Variants in PTPRD observed in about 807,000 individuals in gnomAD.
PTPRD encodes protein tyrosine phosphatase receptor type D.
PTPRD carries 34 observed loss-of-function variants against 214.5 expected under a neutral mutation model. That is an observed-to-expected ratio of 0.16 (90% CI 0.12 to 0.21). The LOEUF is 0.21. Ranked by LOEUF, PTPRD falls within the 10% of genes least tolerant of loss-of-function variation. The pLI, the probability that PTPRD is intolerant of heterozygous loss-of-function variation, is 1.00. For missense variants in PTPRD, 2,545 were observed against 2,398.7 expected, an observed-to-expected ratio of 1.06 and a Z score of -1.27; for synonymous variants, 1,128 against 845.7, an observed-to-expected ratio of 1.33 and a Z score of -5.79.
intron 14 of PTPRD, among the ~76,000 whole-genome samples, chr9:8,565,027 G>A (rs1188008314): frequency 2.0e-5 from 3 of 152,122 alleles, no homozygotes; most frequent in East Asian, 3.9e-4. Flanking sequence ...ATTGAAAAAT[G>A]CCCTCAAATG....
In PTPRD at chr9:9,243,431, G is replaced by T. The variant is rs540828710; in HGVS notation, c.-202-60068C>A. 6.7e-3 allele frequency among the ~76,000 whole-genome samples: 1,024 copies of T among 152,226 alleles called. 11 individuals are homozygous for T. Among genetic ancestry groups the T allele is most frequent in the African/African-American group, 0.023 (955 of 41,540 alleles). ...ACCGAATCCAGCAGCACATCAAAAA[G>T]CTTATCCACCATAATCAAGTGGGCT... On this transcript the variant is annotated intron_variant, in intron 9 of 45. Transcript: ENST00000381196.
rs35654260 is a variant in PTPRD, at chr9:8,584,465, A to AG, written c.352+48851_352+48852insC. Among the ~76,000 whole-genome samples the AG allele has an allele frequency of 6.6e-5, 10 of 150,740 alleles. No homozygotes were observed. In the East Asian group the frequency reaches 2.0e-3, roughly 30 times the overall value. ...TGATTAGTTACTGAAAAAAAAAAAA[A>AG]TTTACATTCTTCTCTATTATGTTTT... On this transcript the variant is annotated intron_variant, in intron 14 of 45. Transcript: ENST00000381196.
rs1044227374 is a variant in PTPRD, at chr9:9,809,017, C to G, written c.-367-42166G>C. 2.6e-5 allele frequency among the ~76,000 whole-genome samples: 4 copies of G among 151,270 alleles called. No individual in the cohort carries two copies. The South Asian group carries it at 8.3e-4, about 32-fold the overall frequency. On this transcript the variant is annotated intron_variant, in intron 5 of 45. Coordinates refer to ENST00000381196, the MANE Select transcript of PTPRD (RefSeq NM_002839.4). ...CCCAGGCTAGTCTCAAATTTTTAGC[C>G]TCAACTGGCCCTCCCACCTTAGTCT...
At chr9:8,480,809 T>TA (rs2096865591) in intron 30 of PTPRD, among the ~76,000 whole-genome samples, 1 of 152,046 alleles carries the variant, frequency 6.6e-6, no homozygotes, top group African/African-American at 2.4e-5. Context: ...GGGATAAAAA[T>TA]TACACAAATA....
intron 8 of PTPRD, among the ~76,000 whole-genome samples, chr9:9,559,153 A>T (rs1035471794): frequency 2.6e-5 from 4 of 152,072 alleles, no homozygotes; most frequent in African/African-American, 9.7e-5. Flanking sequence ...GCAGTTACTA[A>T]CTGCTTCCCA....
At chr9:9,147,417 C>T (rs2099870517) in intron 10 of PTPRD, among the ~76,000 whole-genome samples, 1 of 151,796 alleles carries the variant, frequency 6.6e-6, no homozygotes, top group Non-Finnish European at 1.5e-5. Context: ...TTGGCACTTA[C>T]CATAAATTTT....
Position 10,360,990 on chromosome 9 carries a change from T to C in PTPRD, c.-599-19973A>G, listed in dbSNP as rs575216603. Reference sequence around the variant, plus strand: ...GGTGCCGGGCGCCTGTAGTCCCAGCTACTCGGGAGGCTGAGGCAGGAGAAT... The same window carrying C: ...GGTGCCGGGCGCCTGTAGTCCCAGCCACTCGGGAGGCTGAGGCAGGAGAAT... On this transcript the variant is annotated intron_variant, in intron 2 of 45. Coordinates refer to ENST00000381196, the MANE Select transcript of PTPRD (RefSeq NM_002839.4). Among the ~76,000 whole-genome samples the C allele has an allele frequency of 3.1e-3, 477 of 152,058 alleles. 2 individuals carry two copies. Among genetic ancestry groups the C allele is most frequent in the Middle Eastern group, 6.8e-3 (2 of 292 alleles).
rs540903169 is a variant in PTPRD, at chr9:8,497,097, C to T, written c.2349+145G>A. 1.9e-5 allele frequency: 13 copies of T among 684,824 alleles called. 2 individuals carry two copies. The highest frequency in any genetic ancestry group is 1.5e-4 in the African/African-American group (8 of 52,260). 42.4% of individuals were successfully genotyped at this position (684,824 alleles called of 1,614,324 possible). A position where few individuals can be genotyped will look rare whatever the true frequency, so the allele number is the denominator to read the frequency against. The stretch of plus-strand genomic sequence containing the variant: ...AACAAAAACCAAAATAAAAAGTGCA[C>T]CACACAGTGAAGATAACTTAAAAAT... On this transcript the variant is annotated intron_variant, in intron 26 of 45. Coordinates refer to ENST00000381196, the MANE Select transcript of PTPRD (RefSeq NM_002839.4).
At chr9:9,803,954 T>C (rs2296170) in intron 5 of PTPRD, among the ~76,000 whole-genome samples, 24,916 of 151,962 alleles carry the variant, frequency 0.16, 2,150 homozygotes, top group Non-Finnish European at 0.18. Flanking sequence ...TATGGGTGCC[T>C]ATCTTAACTG....
chr9:9,356,126 A>G (rs1003143121), intron 9 of PTPRD, among the ~76,000 whole-genome samples: 6 of 151,392 alleles, frequency 4.0e-5, no homozygotes, highest in African/African-American at 1.5e-4. Context: ...AGGAGTATAG[A>G]CATTAATTTC....
At chr9:9,065,518 C>T (rs1214495447) in intron 10 of PTPRD, among the ~76,000 whole-genome samples, 1 of 152,072 alleles carries the variant, frequency 6.6e-6, no homozygotes, top group African/African-American at 2.4e-5. Context: ...ACCTTGTAAA[C>T]CATCATAAAG....
chr9:8,322,757 G>C (rs1019694872), intron 44 of PTPRD, among the ~76,000 whole-genome samples: 1 of 152,152 alleles, frequency 6.6e-6, no homozygotes, highest in Non-Finnish European at 1.5e-5. Flanking sequence ...CTTCAATGTA[G>C]ACAAACATCA....
intron 3 of PTPRD, among the ~76,000 whole-genome samples, chr9:10,216,314 T>C (rs762612344): frequency 1.3e-5 from 2 of 151,824 alleles, no homozygotes; most frequent in Non-Finnish European, 2.9e-5. Flanking sequence ...CGGAAGGGGT[T>C]AGAGAGCTTC....
chr9:9,685,201 C>G (rs144116068), intron 7 of PTPRD, among the ~76,000 whole-genome samples: 124 of 151,084 alleles, frequency 8.2e-4, no homozygotes, highest in African/African-American at 3.0e-3. Context: ...GTTTCTGGCT[C>G]ATGAGTACAT....
chr9:9,385,684 T>C (rs1431543360), intron 9 of PTPRD, among the ~76,000 whole-genome samples: 1 of 152,188 alleles, frequency 6.6e-6, no homozygotes, highest in Non-Finnish European at 1.5e-5. Flanking sequence ...ATTCTCAGTA[T>C]GCTGGGTAAG....
chr9:8,858,621 G>A (rs889235795), intron 11 of PTPRD, among the ~76,000 whole-genome samples: 10 of 152,190 alleles, frequency 6.6e-5, no homozygotes, highest in Non-Finnish European at 1.3e-4. Flanking sequence ...CAGCGCTGGG[G>A]GATTGTGTGT....
chr9:10,292,726 T>C (rs1232334253), intron 3 of PTPRD, among the ~76,000 whole-genome samples: 2 of 151,968 alleles, frequency 1.3e-5, no homozygotes, highest in East Asian at 1.9e-4. Context: ...AATTAATTTA[T>C]TTAACTTTCC....
At chr9:9,620,549 C>T (rs2095181398) in intron 7 of PTPRD, among the ~76,000 whole-genome samples, 1 of 152,086 alleles carries the variant, frequency 6.6e-6, no homozygotes, top group African/African-American at 2.4e-5. Context: ...CTGTATTTCT[C>T]ATCAATTTTT....
At chr9:9,727,993 T>C (rs191009465) in intron 7 of PTPRD, among the ~76,000 whole-genome samples, 2 of 152,236 alleles carry the variant, frequency 1.3e-5, no homozygotes, top group Non-Finnish European at 2.9e-5. Context: ...GAGGGACCCA[T>C]GGGGAGGCAA....
Sources: allele counts gnomAD v4.1 joint callset (sites outside exome capture counted in the v4.1 genomes callset), GRCh38; gene constraint gnomAD v4.1.1; transcripts MANE v1.5; gene names NCBI Gene and HGNC (gene_info 2026-07-23, HGNC 2026-07-21).